CSMD1: variants seen among roughly 807,000 people sequenced by gnomAD.
CSMD1 encodes the protein CUB and sushi domain-containing protein 1.
Under a neutral mutation model 417.5 loss-of-function variants are expected in CSMD1, and 213 were observed. The ratio of observed to expected loss-of-function variants is 0.51; its 90% confidence interval spans 0.46 to 0.57. The LOEUF is 0.57. Among genes scored for constraint, CSMD1 ranks in the 20% least tolerant of loss-of-function variants. The pLI is 0.00. For missense variants in CSMD1, 6,923 were observed against 4,529.7 expected, an observed-to-expected ratio of 1.53 and a Z score of -15.17; for synonymous variants, 2,862 against 1,736.8, an observed-to-expected ratio of 1.65 and a Z score of -16.11.
chr8:3,420,764 T>C (rs183737929), intron 12 of CSMD1, among the ~76,000 whole-genome samples: 4 of 152,196 alleles, frequency 2.6e-5, no homozygotes, highest in Non-Finnish European at 4.4e-5. Context: ...TACTAAGACT[T>C]TGAACATTCT....
chr8:4,822,480 C>A (rs1300113156), intron 1 of CSMD1, among the ~76,000 whole-genome samples: 1 of 151,940 alleles, frequency 6.6e-6, no homozygotes, highest in Non-Finnish European at 1.5e-5. Context: ...TGGATTGTAA[C>A]CCGATGGAGA....
intron 8 of CSMD1, among the ~76,000 whole-genome samples, chr8:3,614,310 C>G (rs76960020): frequency 6.6e-6 from 1 of 152,008 alleles, no homozygotes. Flanking sequence ...CTTTCCCTGA[C>G]GGGCTATACG....
chr8:4,803,251 G>A (rs78527216), intron 1 of CSMD1, among the ~76,000 whole-genome samples: 10,136 of 152,104 alleles, frequency 0.067, 551 homozygotes, highest in East Asian at 0.23. Context: ...ATGGTTTATG[G>A]TTTACTGAGA....
intron 7 of CSMD1, among the ~76,000 whole-genome samples, chr8:3,681,000 A>G (rs1799631339): frequency 6.6e-6 from 1 of 152,224 alleles, no homozygotes; most frequent in Admixed American, 6.5e-5. Context: ...CCTTCATGCT[A>G]AAAACTCTCA....
At chr8:3,016,932 C>T (rs1365432524) in intron 52 of CSMD1, among the ~76,000 whole-genome samples, 2 of 152,150 alleles carry the variant, frequency 1.3e-5, no homozygotes, top group Non-Finnish European at 2.9e-5. Flanking sequence ...ACAAGAATAA[C>T]ACAAGATAGA....
chr8:4,847,501 G>C (rs923141952), intron 1 of CSMD1, among the ~76,000 whole-genome samples: 2 of 152,122 alleles, frequency 1.3e-5, no homozygotes, highest in Non-Finnish European at 2.9e-5. Flanking sequence ...CTATTAACAT[G>C]TTAAATTAGT....
Position 3,401,920 on chromosome 8 carries a change from G to A in CSMD1, c.2267-2391C>T, listed in dbSNP as rs904733589. Among the ~76,000 whole-genome samples the A allele has an allele frequency of 4.6e-5, 7 of 150,592 alleles. 1 individual carries two copies. The highest frequency in any genetic ancestry group is 1.3e-4 in the Admixed American group (2 of 15,076). On this transcript the variant is annotated intron_variant, in intron 15 of 69. Coordinates refer to ENST00000635120, the MANE Select transcript of CSMD1 (RefSeq NM_033225.6). Reference sequence around the variant, plus strand: ...TAACAAAAAAAGCAAATATACCAATGAGCCAATGAGGTGTTTAGAAAGCAA... The same window carrying A: ...TAACAAAAAAAGCAAATATACCAATAAGCCAATGAGGTGTTTAGAAAGCAA...
At chr8:4,913,123 C>A (rs570891393) in intron 1 of CSMD1, among the ~76,000 whole-genome samples, 1 of 152,112 alleles carries the variant, frequency 6.6e-6, no homozygotes, top group Non-Finnish European at 1.5e-5. Context: ...CGTGAGGGAT[C>A]ACAGATCAAA....
intron 3 of CSMD1, among the ~76,000 whole-genome samples, chr8:4,060,349 C>A (rs898292475): frequency 1.3e-5 from 2 of 152,120 alleles, no homozygotes; most frequent in African/African-American, 4.8e-5. Flanking sequence ...ACTGAATGGG[C>A]CAAAACTGGA....
intron 10 of CSMD1, among the ~76,000 whole-genome samples, chr8:3,574,208 A>G (rs17395098): frequency 0.35 from 52,552 of 152,140 alleles, 9,836 homozygotes; most frequent in Non-Finnish European, 0.42. Context: ...GAAGAAACAC[A>G]TGAACTGTAG....
chr8:3,568,991 T>G (rs531924228), intron 10 of CSMD1, among the ~76,000 whole-genome samples: 1 of 152,332 alleles, frequency 6.6e-6, no homozygotes, highest in East Asian at 1.9e-4. Context: ...GAATTCTGAT[T>G]GCAGGACTCA....
chr8:4,462,346 G>T (rs1164360754), intron 2 of CSMD1, among the ~76,000 whole-genome samples: 1 of 151,918 alleles, frequency 6.6e-6, no homozygotes, highest in Admixed American at 6.6e-5. Context: ...AGAAATTGAA[G>T]ACCTAAATAA....
chr8:3,276,730 A>T (rs1393186740), intron 26 of CSMD1, among the ~76,000 whole-genome samples: 2 of 152,182 alleles, frequency 1.3e-5, no homozygotes, highest in Non-Finnish European at 2.9e-5. Flanking sequence ...CTCAATTACA[A>T]AGCATATTGT....
At chr8:4,277,800 T>A (rs1374594616) in intron 3 of CSMD1, among the ~76,000 whole-genome samples, 1 of 152,190 alleles carries the variant, frequency 6.6e-6, no homozygotes, top group African/African-American at 2.4e-5. Flanking sequence ...CAGGCTGGAG[T>A]GCAGTCGTAT....
At chr8:3,789,930 A>C (rs981452485) in intron 5 of CSMD1, among the ~76,000 whole-genome samples, 79 of 152,034 alleles carry the variant, frequency 5.2e-4, no homozygotes, top group Admixed American at 2.4e-3. Context: ...ACGGGGTTTC[A>C]CCATGTTAGC....
At chr8:3,504,923 T>C (rs149286465) in intron 10 of CSMD1, among the ~76,000 whole-genome samples, 1,555 of 151,730 alleles carry the variant, frequency 0.01, 29 homozygotes, top group African/African-American at 0.036. Context: ...GCCAGTGAAA[T>C]GGGCAGAGAT....
At chr8:4,238,476 G>C (rs1273585655) in intron 3 of CSMD1, among the ~76,000 whole-genome samples, 1 of 152,162 alleles carries the variant, frequency 6.6e-6, no homozygotes, top group Non-Finnish European at 1.5e-5. Context: ...CACTGCCTTA[G>C]GGTAAGGAGG....
chr8:3,774,143 C>T (rs1226424186), intron 5 of CSMD1, among the ~76,000 whole-genome samples: 5 of 152,302 alleles, frequency 3.3e-5, no homozygotes, highest in African/African-American at 1.2e-4. Context: ...TAAATTTACG[C>T]TGCACAAAGT....
chr8:3,801,815 G>C (rs1352082935), intron 5 of CSMD1, among the ~76,000 whole-genome samples: 1 of 152,092 alleles, frequency 6.6e-6, no homozygotes, highest in African/African-American at 2.4e-5. Context: ...AAGTACTAAG[G>C]TATGTTGGAA....
Sources: gnomAD v4.1 joint callset for allele counts (sites outside exome capture counted in the v4.1 genomes callset) on GRCh38, gnomAD v4.1.1 for gene constraint, MANE v1.5 for transcripts, NCBI Gene and HGNC (gene_info 2026-07-23, HGNC 2026-07-21) for gene names.